FRMD4A: variants seen among roughly 807,000 people sequenced by gnomAD.
FRMD4A encodes FERM domain containing 4A.
In FRMD4A, 29 loss-of-function variants were observed where a neutral mutation model predicts 129.1. That is an observed-to-expected ratio of 0.22 (90% CI 0.17 to 0.31). The LOEUF (loss-of-function observed/expected upper bound fraction) is 0.31. Ranked by LOEUF, FRMD4A falls within the 10% of genes least tolerant of loss-of-function variation. The pLI is 1.00. For missense variants in FRMD4A, 1,272 were observed against 1,375.8 expected, an observed-to-expected ratio of 0.92 and a Z score of 1.19; for synonymous variants, 634 against 571.6, an observed-to-expected ratio of 1.11 and a Z score of -1.56.
At chr10:13,684,399 A>T (rs2084892806) in intron 15 of FRMD4A, 4 of 984,968 alleles carry the variant, frequency 4.1e-6, no homozygotes, top group African/African-American at 3.5e-5. Context: ...ATTGTTTGAG[A>T]CCCTGGAGAC....
chr10:13,929,040 G>A (rs754448537), intron 2 of FRMD4A, among the ~76,000 whole-genome samples: 2 of 152,112 alleles, frequency 1.3e-5, no homozygotes, highest in African/African-American at 4.8e-5. Context: ...TTCTTTTTGC[G>A]CCAAACCATT....
At chr10:13,710,469 G>GC (rs879437261) in intron 12 of FRMD4A, 7 of 152,346 alleles carry the variant, frequency 4.6e-5, no homozygotes, top group African/African-American at 7.2e-5. Flanking sequence ...TGCTGTAGCT[G>GC]CCCGTGGGAA....
intron 3 of FRMD4A, among the ~76,000 whole-genome samples, chr10:13,835,421 C>T (rs1434291386): frequency 1.3e-5 from 2 of 152,098 alleles, no homozygotes; most frequent in Admixed American, 1.3e-4. Context: ...ATCTACAACC[C>T]CCAGGGCCAC....
At chr10:13,976,716 G>A (rs945757590) in intron 2 of FRMD4A, among the ~76,000 whole-genome samples, 20 of 152,138 alleles carry the variant, frequency 1.3e-4, no homozygotes, top group African/African-American at 4.6e-4. Context: ...TACACGTGGA[G>A]AAGTATATTT....
intron 2 of FRMD4A, among the ~76,000 whole-genome samples, chr10:14,237,228 G>T (rs1197102160): frequency 6.6e-6 from 1 of 152,086 alleles, no homozygotes; most frequent in African/African-American, 2.4e-5. Context: ...TCTAGAATAT[G>T]GGATATGGGG....
At chr10:13,686,031 C>G (rs1261756842) in intron 15 of FRMD4A, among the ~76,000 whole-genome samples, 8 of 152,246 alleles carry the variant, frequency 5.3e-5, no homozygotes, top group Admixed American at 5.2e-4. Flanking sequence ...ATGTCCAGAA[C>G]CATCCATTCC....
At chr10:14,156,657 C>A (rs1230005300) in intron 2 of FRMD4A, among the ~76,000 whole-genome samples, 1 of 152,220 alleles carries the variant, frequency 6.6e-6, no homozygotes, top group African/African-American at 2.4e-5. Flanking sequence ...TTATACCCTT[C>A]GTATGTTTCT....
chr10:14,153,379 C>T (rs760054381), intron 2 of FRMD4A, among the ~76,000 whole-genome samples: 7 of 152,240 alleles, frequency 4.6e-5, no homozygotes, highest in Admixed American at 1.3e-4. Context: ...CCAAATGATG[C>T]GTGTACTCCC....
At chr10:14,090,709 T>C (rs1414820173) in intron 2 of FRMD4A, among the ~76,000 whole-genome samples, 2 of 152,248 alleles carry the variant, frequency 1.3e-5, no homozygotes, top group East Asian at 1.9e-4. Flanking sequence ...GCGTCAAGTA[T>C]ACTTCCTAGC....
intron 6 of FRMD4A, among the ~76,000 whole-genome samples, chr10:13,778,265 T>C (rs1332075020): frequency 6.6e-6 from 1 of 152,190 alleles, no homozygotes; most frequent in Non-Finnish European, 1.5e-5. Flanking sequence ...TCTTACAATC[T>C]GTATGTAAGT....
intron 2 of FRMD4A, among the ~76,000 whole-genome samples, chr10:14,292,108 C>T (rs1845866566): frequency 6.6e-6 from 1 of 152,054 alleles, no homozygotes; most frequent in Non-Finnish European, 1.5e-5. Context: ...TGTTAATTTC[C>T]CCCAAAGTAA....
chr10:13,699,248 T>TTTG (rs1357802564), intron 14 of FRMD4A, among the ~76,000 whole-genome samples: 1 of 146,266 alleles, frequency 6.8e-6, no homozygotes, highest in Non-Finnish European at 1.5e-5. Flanking sequence ...TTTTTTTTTT[T>TTTG]GTATTTTTAG....
At chr10:13,771,724 CT>C (rs1301112068) in intron 6 of FRMD4A, among the ~76,000 whole-genome samples, 1 of 152,084 alleles carries the variant, frequency 6.6e-6, no homozygotes, top group Non-Finnish European at 1.5e-5. Flanking sequence ...TTGGTTATCA[CT>C]GCTGGGGAAG....
rs1832965224 is a variant in FRMD4A, at chr10:14,025,889, C to T, written c.46-166977G>A. Among the ~76,000 whole-genome samples, 2 of 152,164 alleles carry T rather than the reference C, an allele frequency of 1.3e-5. 1 individual carries two copies. On this transcript the variant is annotated intron_variant, in intron 2 of 24. Transcript: ENST00000357447. The stretch of plus-strand genomic sequence containing the variant: ...TCTTCCCTTTTTAAGGCTGAAATCA[C>T]GTATCCTAAGAAAGATACTGCTTTG...
At chr10:13,926,283 G>C (rs905545543) in intron 2 of FRMD4A, among the ~76,000 whole-genome samples, 4 of 152,148 alleles carry the variant, frequency 2.6e-5, no homozygotes, top group Non-Finnish European at 5.9e-5. Context: ...TCATCACTGG[G>C]GTTATTTGCA....
chr10:13,650,255 G>C (rs2081446004), intron 24 of FRMD4A, among the ~76,000 whole-genome samples: 1 of 152,132 alleles, frequency 6.6e-6, no homozygotes. Context: ...CCAACTGGTG[G>C]CACATACTGG....
intron 2 of FRMD4A, among the ~76,000 whole-genome samples, chr10:14,164,416 C>T (rs1010378475): frequency 2.0e-5 from 3 of 152,172 alleles, no homozygotes; most frequent in Non-Finnish European, 4.4e-5. Context: ...CCAGGCAACC[C>T]GGAAGCTGGT....
At chr10:14,298,346 T>C (rs1846076053) in intron 2 of FRMD4A, among the ~76,000 whole-genome samples, 1 of 152,110 alleles carries the variant, frequency 6.6e-6, no homozygotes, top group Admixed American at 6.6e-5. Context: ...TCAGTTTTGA[T>C]TATAAACAGA....
intron 3 of FRMD4A, among the ~76,000 whole-genome samples, chr10:13,836,242 C>T (rs1161276170): frequency 6.6e-6 from 1 of 152,198 alleles, no homozygotes; most frequent in African/African-American, 2.4e-5. Context: ...AGGTGATCCA[C>T]CTGCTTTGGC....
Sources: gnomAD v4.1 joint callset for allele counts (sites outside exome capture counted in the v4.1 genomes callset) on GRCh38, gnomAD v4.1.1 for gene constraint, MANE v1.5 for transcripts, NCBI Gene and HGNC (gene_info 2026-07-23, HGNC 2026-07-21) for gene names.